The following RPS6KC1 variants were observed in gnomAD, a reference collection of about 807,000 sequenced individuals.
RPS6KC1 encodes the protein inactive ribosomal protein S6 kinase delta-1.
Under a neutral mutation model 103.8 loss-of-function variants are expected in RPS6KC1, and 54 were observed. That is an observed-to-expected ratio of 0.52 (90% CI 0.42 to 0.65). The LOEUF is 0.65. Among genes scored for constraint, RPS6KC1 ranks in the 30% least tolerant of loss-of-function variants. The pLI is 0.00. For missense variants in RPS6KC1, 1,151 were observed against 1,253.8 expected (o/e 0.92, Z 1.24); for synonymous variants, 439 against 438.7 (o/e 1.00, Z -0.01).
At position 213,240,637 on chromosome 1, in the gene RPS6KC1, G is replaced by A. The variant is rs1447342015; in HGVS notation, c.1226-65G>A. ...TTAAGATAGTTTTTGTTTTTCTAAT[G>A]GCTTAAATAACTGTCAATTTGGAGA... is the stretch of plus-strand genomic sequence containing the variant. On this transcript the variant is annotated intron_variant, in intron 10 of 14. Coordinates refer to ENST00000366960, the MANE Select transcript of RPS6KC1 (RefSeq NM_012424.6). The A allele has an allele frequency of 3.7e-6, 5 of 1,363,604 alleles. No individual in the cohort carries two copies. In the African/African-American group the frequency reaches 4.4e-5, roughly 12 times the overall value. 84.5% of individuals were successfully genotyped at this position (1,363,604 alleles called of 1,614,324 possible).
chr1:213,854,373 A>G, the RPS6KC1 span, among the ~76,000 whole-genome samples: 13 of 152,152 alleles, frequency 8.5e-5, no homozygotes, highest in Non-Finnish European at 1.8e-4. Flanking sequence ...CCCACTGGCA[A>G]ATTCCCCTGA....
the RPS6KC1 span, among the ~76,000 whole-genome samples, chr1:213,389,540 T>C: frequency 6.6e-6 from 1 of 152,196 alleles, no homozygotes; most frequent in Non-Finnish European, 1.5e-5. Context: ...GTCTCGCGTC[T>C]GCATCCGCGT....
chr1:213,343,395 A>G, the RPS6KC1 span, among the ~76,000 whole-genome samples: 444 of 6,718 alleles, frequency 0.066, 36 homozygotes, highest in African/African-American at 0.13. Context: ...TTGTGTGTAT[A>G]TATATATATA....
chr1:213,235,495 T>G (rs180911735), intron 10 of RPS6KC1, among the ~76,000 whole-genome samples: 1 of 152,148 alleles, frequency 6.6e-6, no homozygotes, highest in Admixed American at 6.6e-5. Flanking sequence ...TTATATAGGG[T>G]GGTCATCTTA....
At chr1:213,310,048 T>G in the RPS6KC1 span, among the ~76,000 whole-genome samples, 7 of 152,280 alleles carry the variant, frequency 4.6e-5, no homozygotes, top group South Asian at 1.5e-3. Flanking sequence ...CCTCTTTCAA[T>G]GTATACCTGG....
the RPS6KC1 span, among the ~76,000 whole-genome samples, chr1:213,477,246 G>A: frequency 6.6e-6 from 1 of 152,058 alleles, no homozygotes; most frequent in African/African-American, 2.4e-5. Context: ...TTTTAAAAAT[G>A]TTCCAAGGAT....
chr1:213,118,020 T>TAAAAAAAAA (rs2083872405), intron 5 of RPS6KC1, among the ~76,000 whole-genome samples: 1 of 12,056 alleles, frequency 8.3e-5, no homozygotes, highest in Non-Finnish European at 1.5e-4. Flanking sequence ...AGACTTTGTC[T>TAAAAAAAAA]CAAAAAAAAA....
At chr1:213,366,580 C>T in the RPS6KC1 span, among the ~76,000 whole-genome samples, 1 of 152,190 alleles carries the variant, frequency 6.6e-6, no homozygotes, top group Non-Finnish European at 1.5e-5. Context: ...CCACAGACAA[C>T]ACATGAATGA....
rs533339771 is a variant in RPS6KC1 at position 213,170,589 on chromosome 1, A to G, written c.951+2616A>G. Among the ~76,000 whole-genome samples, 24 of 152,358 alleles carry G rather than the reference A, an allele frequency of 1.6e-4. 1 individual carries two copies. Among genetic ancestry groups the G allele is most frequent in the African/African-American group, 5.8e-4 (24 of 41,594 alleles). ...GGGAAATTCTATCAGAAAGGATAAA[A>G]AGGAGTGCCTTCTGAATCTGATTTG... On this transcript the variant is annotated intron_variant, in intron 7 of 14. Coordinates refer to ENST00000366960, the MANE Select transcript of RPS6KC1 (RefSeq NM_012424.6).
At chr1:213,742,783 G>C in the RPS6KC1 span, among the ~76,000 whole-genome samples, 1 of 152,262 alleles carries the variant, frequency 6.6e-6, no homozygotes, top group Non-Finnish European at 1.5e-5. Flanking sequence ...TGCACAGAAA[G>C]TACCAGGGCA....
At chr1:213,558,976 G>C in the RPS6KC1 span, among the ~76,000 whole-genome samples, 1 of 152,166 alleles carries the variant, frequency 6.6e-6, no homozygotes. Context: ...ATCTTTCTTT[G>C]ATCAATTAAA....
intron 8 of RPS6KC1, among the ~76,000 whole-genome samples, chr1:213,213,829 A>G (rs1313799516): frequency 6.6e-6 from 1 of 152,176 alleles, no homozygotes; most frequent in Non-Finnish European, 1.5e-5. Context: ...CTCTGGTAGC[A>G]TTTGCTCTGT....
intron 5 of RPS6KC1, among the ~76,000 whole-genome samples, chr1:213,124,160 C>G (rs2084711863): frequency 6.6e-6 from 1 of 152,166 alleles, no homozygotes; most frequent in Non-Finnish European, 1.5e-5. Context: ...ACTTGAATTT[C>G]TGTGATACGA....
the RPS6KC1 span, among the ~76,000 whole-genome samples, chr1:213,446,248 T>A: frequency 6.6e-6 from 1 of 152,204 alleles, no homozygotes; most frequent in Admixed American, 6.5e-5. Context: ...CTTTCGTACA[T>A]CCAGGCAAGC....
the RPS6KC1 span, among the ~76,000 whole-genome samples, chr1:213,739,934 A>T: frequency 6.6e-6 from 1 of 152,138 alleles, no homozygotes; most frequent in Non-Finnish European, 1.5e-5. Flanking sequence ...TCCAAGAAAA[A>T]ATTAATTGTG....
the RPS6KC1 span, among the ~76,000 whole-genome samples, chr1:213,327,924 G>A: frequency 7.2e-5 from 11 of 152,108 alleles, no homozygotes; most frequent in South Asian, 4.1e-4. Context: ...CCTCAGAGGG[G>A]CCAGCTCTGC....
At chr1:213,719,928 A>G in the RPS6KC1 span, among the ~76,000 whole-genome samples, 1 of 152,108 alleles carries the variant, frequency 6.6e-6, no homozygotes, top group East Asian at 1.9e-4. Context: ...ATTCTATCCT[A>G]TTTCATTATC....
the RPS6KC1 span, among the ~76,000 whole-genome samples, chr1:213,671,783 TAACAACAACAAC>T: frequency 6.6e-6 from 1 of 151,684 alleles, no homozygotes; most frequent in Non-Finnish European, 1.5e-5. Context: ...GAATCTGTCT[TAACAACAACAAC>T]AACAACAAGA....
At chr1:213,699,074 G>A in the RPS6KC1 span, among the ~76,000 whole-genome samples, 14 of 152,072 alleles carry the variant, frequency 9.2e-5, no homozygotes, top group Non-Finnish European at 2.1e-4. Context: ...TACTCTTCTA[G>A]TTACTTTAAA....
Sources: gnomAD v4.1 joint callset for allele counts (sites outside exome capture counted in the v4.1 genomes callset) on GRCh38, gnomAD v4.1.1 for gene constraint, MANE v1.5 for transcripts, NCBI Gene and HGNC (gene_info 2026-07-23, HGNC 2026-07-21) for gene names.